Variants in DNAH5 observed in about 807,000 individuals in gnomAD.
DNAH5 encodes the protein dynein axonemal heavy chain 5.
In DNAH5, 372 loss-of-function variants were observed where a neutral mutation model predicts 518.2. That is an observed-to-expected ratio of 0.72 (90% CI 0.66 to 0.78). The LOEUF is 0.78. Ranked by LOEUF, DNAH5 falls within the 30% of genes least tolerant of loss-of-function variation. DNAH5 has a pLI of 0.00. For missense variants in DNAH5, 5,523 were observed against 5,687.0 expected, an observed-to-expected ratio of 0.97 and a Z score of 0.93; for synonymous variants, 2,039 against 2,025.9, an observed-to-expected ratio of 1.01 and a Z score of -0.17.
At chr5:13,911,315 A>C in intron 12 of DNAH5, 71 bp downstream of exon 12, 1 of 1,192,942 alleles carries the variant, frequency 8.4e-7, no homozygotes, top group Non-Finnish European at 1.3e-6. Flanking sequence ...TTGGGTAATG[A>C]TTAACGGCAT....
At chr5:13,945,508 G>A (rs955161856), upstream of DNAH5, among the ~76,000 whole-genome samples, 1 of 152,190 alleles carries the variant, frequency 6.6e-6, no homozygotes, top group African/African-American at 2.4e-5. Context: ...GGCACGGACG[G>A]CCTCCATATG....
intron 34 of DNAH5, among the ~76,000 whole-genome samples, chr5:13,839,995 C>G (rs147747005): frequency 6.6e-6 from 1 of 152,284 alleles, no homozygotes; most frequent in East Asian, 1.9e-4. Flanking sequence ...AGAATTACAT[C>G]GGGCCAAAAT....
chr5:13,789,343 T>A (rs1471187955), intron 50 of DNAH5, among the ~76,000 whole-genome samples: 1 of 152,088 alleles, frequency 6.6e-6, no homozygotes, highest in Non-Finnish European at 1.5e-5. Context: ...ACAAAGTGAA[T>A]AAAATTTGTG....
At chr5:13,717,166 A>G (rs892920740) in intron 73 of DNAH5, 149 bp downstream of exon 73, 10 of 731,552 alleles carry the variant, frequency 1.4e-5, no homozygotes, top group South Asian at 6.1e-5. Flanking sequence ...TCAAGAGGCA[A>G]GTGTGACCCA....
chr5:13,835,392 C>A (rs1764236495), intron 35 of DNAH5, among the ~76,000 whole-genome samples: 1 of 152,092 alleles, frequency 6.6e-6, no homozygotes, highest in East Asian at 1.9e-4. Context: ...CGAAACATTT[C>A]TTTTCTAACA....
intron 44 of DNAH5, 54 bp downstream of exon 44, chr5:13,811,593 G>T: frequency 6.6e-7 from 1 of 1,511,670 alleles, no homozygotes; most frequent in Non-Finnish European, 9.2e-7. Flanking sequence ...TACTCTCTGT[G>T]CAGCATGGCT....
intron 1 of DNAH5, among the ~76,000 whole-genome samples, chr5:13,967,671 G>C (rs545906970): frequency 1.2e-3 from 180 of 152,114 alleles, no homozygotes; most frequent in African/African-American, 4.3e-3. Context: ...TGCTCTGGCT[G>C]TATGGGCTCT....
chr5:13,998,948 T>C (rs1234817107), intron 1 of DNAH5, among the ~76,000 whole-genome samples: 1 of 152,238 alleles, frequency 6.6e-6, no homozygotes, highest in Non-Finnish European at 1.5e-5. Context: ...CTCAGCTCAC[T>C]GCAACCTCCG....
rs1451414082 is a variant in DNAH5, at chr5:13,752,403, T to G, written c.10873-114A>C. 2.8e-5 allele frequency: 36 copies of G among 1,275,932 alleles called. No individual in the cohort carries two copies. In the Admixed American group the frequency reaches 6.1e-4, roughly 22 times the overall value. The allele number at this position is 1,275,932 out of a possible 1,614,324, so 79.0% of individuals were successfully genotyped here. A position where few individuals can be genotyped will look rare whatever the true frequency, so the allele number is the denominator to read the frequency against. ...TTCTACTGCAAGAGACAAATACAAA[T>G]TGAGCATCCAAAATGTTCCCAAATA... On this transcript the variant is annotated intron_variant, in intron 63 of 78. Transcript: ENST00000265104.
chr5:13,784,786 G>A (rs887388969), intron 52 of DNAH5, among the ~76,000 whole-genome samples: 3 of 152,072 alleles, frequency 2.0e-5, no homozygotes, highest in Admixed American at 1.3e-4. Context: ...TATCAACAAT[G>A]GATTTTTACA....
At chr5:13,799,568 C>A (rs1335933507) in intron 47 of DNAH5, among the ~76,000 whole-genome samples, 1 of 152,098 alleles carries the variant, frequency 6.6e-6, no homozygotes, top group African/African-American at 2.4e-5. Context: ...AAAAATTAAG[C>A]AACCTGAGAA....
upstream of DNAH5, among the ~76,000 whole-genome samples, chr5:13,945,938 T>C (rs1017813681): frequency 3.9e-4 from 59 of 152,274 alleles, 1 homozygote; most frequent in Non-Finnish European, 1.2e-4. Context: ...CCTCTGGTTG[T>C]TGGTAAGCGG....
intron 1 of DNAH5, among the ~76,000 whole-genome samples, chr5:13,970,089 T>C (rs1781771009): frequency 6.6e-6 from 1 of 152,210 alleles, no homozygotes; most frequent in South Asian, 2.1e-4. Context: ...CAAGTCTGTT[T>C]TGTCTGATAT....
At chr5:13,802,336 T>C (rs1758887481) in intron 47 of DNAH5, among the ~76,000 whole-genome samples, 1 of 152,200 alleles carries the variant, frequency 6.6e-6, no homozygotes, top group African/African-American at 2.4e-5. Context: ...AGCTCCCTTC[T>C]GGCTCTTTTC....
chr5:13,862,427 A>C, intron 29 of DNAH5, 121 bp downstream of exon 29: 1 of 957,642 alleles, frequency 1.0e-6, no homozygotes, highest in Non-Finnish European at 1.6e-6. Flanking sequence ...TAATTAAAAC[A>C]AGTATTTTCA....
intron 47 of DNAH5, 39 bp from the exon 48 acceptor site, chr5:13,794,097 T>C (rs751960599): frequency 1.2e-6 from 2 of 1,613,658 alleles, no homozygotes; most frequent in East Asian, 4.5e-5. Flanking sequence ...TGTGAAAATA[T>C]CCCCTAAAAC....
At chr5:13,818,395 G>T (rs1458788722) in intron 41 of DNAH5, among the ~76,000 whole-genome samples, 1 of 152,206 alleles carries the variant, frequency 6.6e-6, no homozygotes, top group African/African-American at 2.4e-5. Context: ...TCAGGAGTTC[G>T]AGATCAGCCT....
At chr5:13,729,656 A>C in intron 68 of DNAH5, 96 bp from the exon 69 acceptor site, 1 of 1,098,860 alleles carries the variant, frequency 9.1e-7, no homozygotes, top group Non-Finnish European at 1.3e-6. Context: ...CAGTTATTTT[A>C]CTACTTTCAC....
chr5:13,698,330 A>T (rs1741640550), intron 78 of DNAH5, among the ~76,000 whole-genome samples: 1 of 152,206 alleles, frequency 6.6e-6, no homozygotes, highest in African/African-American at 2.4e-5. Context: ...TGAAATCAGT[A>T]TGTTCATTTC....
Sources: allele counts gnomAD v4.1 joint callset (sites outside exome capture counted in the v4.1 genomes callset), GRCh38; gene constraint gnomAD v4.1.1; transcripts MANE v1.5; gene names NCBI Gene and HGNC (gene_info 2026-07-23, HGNC 2026-07-21).